TPCN2: variants seen among roughly 807,000 people sequenced by gnomAD.
TPCN2 encodes the protein two pore segment channel 2.
TPCN2 carries 92 observed loss-of-function variants against 111.4 expected under a neutral mutation model. That is an observed-to-expected ratio of 0.83 (90% CI 0.70 to 0.98). The LOEUF is 0.98. Ranked by LOEUF, TPCN2 falls within the 50% of genes least tolerant of loss-of-function variation. The pLI, the probability that TPCN2 is intolerant of heterozygous loss-of-function variation, is 0.00. For missense variants in TPCN2, 995 were observed against 980.1 expected (o/e 1.02, Z -0.20); for synonymous variants, 405 against 414.5 (o/e 0.98, Z 0.28).
intron 7 of TPCN2, among the ~76,000 whole-genome samples, chr11:69,065,618 C>T (rs1171782895): frequency 1.3e-5 from 2 of 152,172 alleles, no homozygotes; most frequent in East Asian, 1.9e-4. Flanking sequence ...TGGCCTGGGG[C>T]GGTAGCCAGG....
chr11:69,083,832 G>A (rs1856150203), intron 18 of TPCN2, 113 bp from the exon 19 acceptor site: 2 of 906,642 alleles, frequency 2.2e-6, no homozygotes, highest in Non-Finnish European at 3.6e-6. Flanking sequence ...TGGGTTGGTG[G>A]TCATTGGCCT....
chr11:69,067,903 T>G (rs564651436), intron 8 of TPCN2, among the ~76,000 whole-genome samples: 2 of 152,298 alleles, frequency 1.3e-5, no homozygotes, highest in African/African-American at 4.8e-5. Context: ...CCTCCTTGTC[T>G]ACTCACTCCT....
At chr11:69,070,149 C>G (rs540721907) in intron 8 of TPCN2, among the ~76,000 whole-genome samples, 2 of 152,018 alleles carry the variant, frequency 1.3e-5, no homozygotes, top group Admixed American at 6.5e-5. Flanking sequence ...CTCAGCCTCC[C>G]GAGTAGCTGG....
At chr11:69,074,883 G>A (rs191420816) in intron 13 of TPCN2, among the ~76,000 whole-genome samples, 2 of 152,288 alleles carry the variant, frequency 1.3e-5, no homozygotes, top group Admixed American at 1.3e-4. Flanking sequence ...AGTTGTTGCC[G>A]TTCCCTAGGG....
intron 5 of TPCN2, among the ~76,000 whole-genome samples, chr11:69,062,582 G>T (rs1176165880): frequency 1.4e-5 from 2 of 145,934 alleles, no homozygotes; most frequent in Admixed American, 1.4e-4. Context: ...GTCCTGGGTG[G>T]GCACAGGGGA....
intron 11 of TPCN2, 41 bp from the exon 12 acceptor site, chr11:69,072,586 G>A (rs894300098): frequency 6.8e-6 from 11 of 1,607,580 alleles, no homozygotes; most frequent in African/African-American, 1.3e-5. Flanking sequence ...CAAGGGAGCC[G>A]AGCTGGCTGT....
chr11:69,054,129 TG>T (rs774896833), intron 2 of TPCN2, 32 bp downstream of exon 2: 10 of 1,593,650 alleles, frequency 6.3e-6, no homozygotes, highest in South Asian at 1.1e-5. Flanking sequence ...TGGCCGGGCC[TG>T]GGGGGTGGCC....
intron 17 of TPCN2, 76 bp downstream of exon 17, chr11:69,079,959 G>C (rs1161193326): frequency 5.7e-6 from 8 of 1,398,936 alleles, no homozygotes; most frequent in African/African-American, 2.8e-5. Flanking sequence ...GGGTCTCAGT[G>C]GTGTCCAGGG....
Position 69,048,970 on chromosome 11 carries a change from G to A in TPCN2, c.-28G>A, listed in dbSNP as rs1236479520. On this transcript the variant is annotated 5_prime_UTR_variant, in exon 1 of 25. Transcript: ENST00000294309. Reference sequence around the variant, plus strand: ...GCGCCTTCGGGGCTTGAGCTTCTGAGGGTCGGGTCCAGCGCGTGGGCTGCT... The same window carrying A: ...GCGCCTTCGGGGCTTGAGCTTCTGAAGGTCGGGTCCAGCGCGTGGGCTGCT... 21 of 1,225,634 alleles carry A rather than the reference G, an allele frequency of 1.7e-5. No individual in the cohort carries two copies. The South Asian group carries it at 2.1e-4, about 12-fold the overall frequency. The allele number at this position is 1,225,634 out of a possible 1,614,324, so 75.9% of individuals were successfully genotyped here.
rs192984934 is a variant in TPCN2, at chr11:69,052,481, G to A, written c.110-1552G>A. ...GACATAAACAGTAGCCACTTTCAGA[G>A]CTTCCCTGGGGAGACATTCGGGTGT... On this transcript the variant is annotated intron_variant, in intron 1 of 24. Transcript: ENST00000294309. Among the ~76,000 whole-genome samples, 457 of 152,270 alleles carry A rather than the reference G, an allele frequency of 3.0e-3. 4 individuals carry two copies. Among genetic ancestry groups the A allele is most frequent in the African/African-American group, 0.011 (444 of 41,532 alleles).
intron 1 of TPCN2, among the ~76,000 whole-genome samples, chr11:69,049,692 A>G (rs1445671940): frequency 6.6e-6 from 1 of 152,022 alleles, no homozygotes; most frequent in African/African-American, 2.4e-5. Context: ...GGCCCCCTAG[A>G]CGGGGGCGGC....
chr11:69,084,543 G>A (rs781423188), intron 19 of TPCN2: 35 of 982,658 alleles, frequency 3.6e-5, no homozygotes, highest in Non-Finnish European at 4.1e-5. Flanking sequence ...CCTGGTGGCC[G>A]GGCTTGGGCA....
intron 17 of TPCN2, among the ~76,000 whole-genome samples, chr11:69,080,518 G>A (rs1220344598): frequency 1.3e-5 from 2 of 152,222 alleles, no homozygotes; most frequent in East Asian, 1.9e-4. Flanking sequence ...CGTGGCTCTG[G>A]TGTGCCCGTG....
chr11:69,087,311 C>T (rs1856326957), intron 24 of TPCN2, 105 bp downstream of exon 24: 5 of 909,294 alleles, frequency 5.5e-6, no homozygotes, highest in Admixed American at 2.2e-5. Flanking sequence ...TGACTGTCCT[C>T]CCCCTCCGCC....
Position 69,049,180 on chromosome 11 carries a change from C to T in TPCN2, c.109+74C>T, listed in dbSNP as rs377409044. 1.4e-4 allele frequency: 136 copies of T among 993,858 alleles called. No individual in the cohort carries two copies. The African/African-American group carries it at 2.0e-3, about 15-fold the overall frequency. The allele number at this position is 993,858 out of a possible 1,614,324, so 61.6% of individuals were successfully genotyped here. On this transcript the variant is annotated intron_variant, in intron 1 of 24. Coordinates refer to ENST00000294309, the MANE Select transcript of TPCN2 (RefSeq NM_139075.4). ...GCGCGTGGGGGTCCCGCTGTCCCAGCACCCCGCTTTCTGCCGGGCGCGCCC... is the reference window on the plus strand; with the variant it reads ...GCGCGTGGGGGTCCCGCTGTCCCAGTACCCCGCTTTCTGCCGGGCGCGCCC...
intron 5 of TPCN2, among the ~76,000 whole-genome samples, chr11:69,061,122 G>C (rs1855002238): frequency 6.6e-6 from 1 of 152,256 alleles, no homozygotes; most frequent in Admixed American, 6.5e-5. Flanking sequence ...GTGAGAGAGA[G>C]ACTGCCAGCG....
intron 23 of TPCN2, 140 bp from the exon 24 acceptor site, chr11:69,086,972 G>A (rs1038387916): frequency 2.9e-6 from 2 of 681,106 alleles, no homozygotes; most frequent in Admixed American, 2.7e-5. Context: ...AGCCTCGTGG[G>A]GCCTGTGCCT....
chr11:69,060,852 G>T (rs964288093), intron 5 of TPCN2, among the ~76,000 whole-genome samples: 6 of 152,224 alleles, frequency 3.9e-5, no homozygotes, highest in Admixed American at 3.3e-4. Flanking sequence ...CAACCAGTGG[G>T]CAATGAATGG....
intron 1 of TPCN2, among the ~76,000 whole-genome samples, chr11:69,050,130 C>T (rs1002583629): frequency 1.3e-5 from 2 of 152,186 alleles, no homozygotes; most frequent in South Asian, 2.1e-4. Context: ...GGGACCCTGA[C>T]GAGAGATGAA....
Sources: allele counts gnomAD v4.1 joint callset (sites outside exome capture counted in the v4.1 genomes callset), GRCh38; gene constraint gnomAD v4.1.1; transcripts MANE v1.5; gene names NCBI Gene and HGNC (gene_info 2026-07-23, HGNC 2026-07-21).